Variants in PARD3B observed in about 807,000 individuals in gnomAD.
PARD3B encodes the protein partitioning defective 3 homolog B.
Under a neutral mutation model 130.2 loss-of-function variants are expected in PARD3B, and 103 were observed. The observed-to-expected ratio is 0.79, with a 90% CI of 0.67 to 0.93. The LOEUF is 0.93. Ranked by LOEUF, PARD3B falls within the 40% of genes least tolerant of loss-of-function variation. PARD3B has a pLI of 0.00. For synonymous variants in PARD3B, 583 were observed against 553.2 expected (o/e 1.05, Z -0.76); for missense variants, 1,609 against 1,499.2 (o/e 1.07, Z -1.21).
intron 20 of PARD3B, among the ~76,000 whole-genome samples, chr2:205,457,827 A>G (rs1001042392): frequency 1.3e-5 from 2 of 152,184 alleles, no homozygotes; most frequent in African/African-American, 4.8e-5. Flanking sequence ...CTGAAAATCC[A>G]TAATCCTAAA....
intron 5 of PARD3B, among the ~76,000 whole-genome samples, chr2:205,106,745 A>G (rs1443071993): frequency 6.6e-6 from 1 of 152,154 alleles, no homozygotes; most frequent in African/African-American, 2.4e-5. Context: ...AGGCTAGGAA[A>G]CTTCTCATAT....
At chr2:205,567,033 A>G (rs772106378) in intron 22 of PARD3B, among the ~76,000 whole-genome samples, 4 of 152,222 alleles carry the variant, frequency 2.6e-5, no homozygotes, top group Non-Finnish European at 5.9e-5. Context: ...GAAACGGTGG[A>G]AACTGTTTTG....
intron 18 of PARD3B, among the ~76,000 whole-genome samples, chr2:205,386,663 TTGTTG>T (rs201538674): frequency 0.12 from 4,353 of 34,896 alleles, 69 homozygotes; most frequent in South Asian, 0.19. Flanking sequence ...TTTTTTTTTT[TTGTTG>T]TTGAAGGATT....
intron 3 of PARD3B, among the ~76,000 whole-genome samples, chr2:205,023,498 G>A (rs1336465919): frequency 1.1e-5 from 1 of 88,166 alleles, no homozygotes; most frequent in Non-Finnish European, 2.3e-5. Flanking sequence ...TTTTTTAAAT[G>A]TATGTATTTA....
intron 2 of PARD3B, among the ~76,000 whole-genome samples, chr2:204,747,159 G>A (rs1397498879): frequency 6.6e-6 from 1 of 152,092 alleles, no homozygotes; most frequent in Non-Finnish European, 1.5e-5. Context: ...TTTGTATAAA[G>A]TGTAAGGAAG....
chr2:205,393,525 G>A (rs1368457880), intron 18 of PARD3B, among the ~76,000 whole-genome samples: 2 of 152,326 alleles, frequency 1.3e-5, no homozygotes, highest in East Asian at 3.9e-4. Flanking sequence ...CCTGATAGGA[G>A]AAGGAGATAT....
Position 205,128,545 on chromosome 2 carries a change from G to A in PARD3B, c.1434+2808G>A, listed in dbSNP as rs755806214. Reference sequence around the variant, plus strand: ...CTAGCTGTGTGATGTAGAGCCATTCGGAACATCACTCAGAGGCTGTTTCCT... The same window carrying A: ...CTAGCTGTGTGATGTAGAGCCATTCAGAACATCACTCAGAGGCTGTTTCCT... On this transcript the variant is annotated intron_variant, in intron 10 of 22. Coordinates refer to ENST00000406610, the MANE Select transcript of PARD3B (RefSeq NM_001302769.2). This position sits in a 1 kb window ranked among gnomAD's most constrained non-coding sequence, Gnocchi z 4.5. 2.6e-5 allele frequency among the ~76,000 whole-genome samples: 4 copies of A among 152,180 alleles called. No individual in the cohort carries two copies. Among genetic ancestry groups the A allele is most frequent in the Non-Finnish European group, 4.4e-5 (3 of 68,032 alleles).
chr2:204,777,758 C>G (rs2041682994), intron 2 of PARD3B, among the ~76,000 whole-genome samples: 1 of 152,084 alleles, frequency 6.6e-6, no homozygotes, highest in Non-Finnish European at 1.5e-5. Context: ...TCAAAGTGAG[C>G]CACTGTGATA....
intron 1 of PARD3B, among the ~76,000 whole-genome samples, chr2:204,573,661 G>C (rs185448345): frequency 6.6e-6 from 1 of 152,184 alleles, no homozygotes; most frequent in Non-Finnish European, 1.5e-5. Flanking sequence ...TCCTCGTTGT[G>C]ATTGGTATAC....
intron 4 of PARD3B, among the ~76,000 whole-genome samples, chr2:205,066,617 T>C (rs552376161): frequency 6.6e-6 from 1 of 152,274 alleles, no homozygotes; most frequent in Non-Finnish European, 1.5e-5. Context: ...AGAAAGGTGG[T>C]ATAGTTAAAA....
intron 18 of PARD3B, among the ~76,000 whole-genome samples, chr2:205,353,262 G>C (rs551245407): frequency 6.6e-6 from 1 of 152,182 alleles, no homozygotes; most frequent in African/African-American, 2.4e-5. Context: ...TATCCAGAAA[G>C]CCTTTCTTAA....
intron 2 of PARD3B, among the ~76,000 whole-genome samples, chr2:204,863,158 C>A (rs1371928670): frequency 6.6e-6 from 1 of 152,166 alleles, no homozygotes; most frequent in Non-Finnish European, 1.5e-5. Context: ...TCTATCAATA[C>A]CTCTTGCCTC....
At chr2:205,140,556 T>C (rs1419688658) in intron 10 of PARD3B, among the ~76,000 whole-genome samples, 4 of 146,340 alleles carry the variant, frequency 2.7e-5, no homozygotes, top group Non-Finnish European at 3.0e-5. Context: ...ATCATCCTAA[T>C]AGGATGTTAG....
At chr2:204,883,457 T>A (rs1203784071) in intron 2 of PARD3B, among the ~76,000 whole-genome samples, 25 of 92,276 alleles carry the variant, frequency 2.7e-4, no homozygotes, top group East Asian at 2.5e-3. Flanking sequence ...ATATATATAT[T>A]TTTTTTTTTG....
At chr2:205,385,995 G>A (rs908886795) in intron 18 of PARD3B, among the ~76,000 whole-genome samples, 2 of 152,002 alleles carry the variant, frequency 1.3e-5, no homozygotes, top group African/African-American at 4.8e-5. Flanking sequence ...ATTTTTAATA[G>A]AAATCACTGG....
intron 2 of PARD3B, among the ~76,000 whole-genome samples, chr2:204,695,356 T>C (rs1192007891): frequency 6.6e-6 from 1 of 152,024 alleles, no homozygotes; most frequent in Non-Finnish European, 1.5e-5. Context: ...CTACTTAAGC[T>C]ATAAAACATC....
At chr2:205,141,537 T>C (rs1298952118) in intron 10 of PARD3B, among the ~76,000 whole-genome samples, 1 of 152,186 alleles carries the variant, frequency 6.6e-6, no homozygotes, top group African/African-American at 2.4e-5. Context: ...CTCCACCCCA[T>C]ATCAAAACTC....
At chr2:204,803,180 A>ATATG (rs1397233399) in intron 2 of PARD3B, among the ~76,000 whole-genome samples, 2 of 147,156 alleles carry the variant, frequency 1.4e-5, no homozygotes, top group Non-Finnish European at 3.0e-5. Flanking sequence ...ATATATATAT[A>ATATG]TAATCCTAGA....
At chr2:204,998,211 C>G (rs1694407180) in intron 3 of PARD3B, among the ~76,000 whole-genome samples, 1 of 147,706 alleles carries the variant, frequency 6.8e-6, no homozygotes, top group South Asian at 2.1e-4. Flanking sequence ...GGGGAAATAC[C>G]TAATGTAGAT....
Sources: allele counts gnomAD v4.1 joint callset (sites outside exome capture counted in the v4.1 genomes callset), GRCh38; gene constraint gnomAD v4.1.1; non-coding constraint Gnocchi (gnomAD v3.1); transcripts MANE v1.5; gene names NCBI Gene and HGNC (gene_info 2026-07-23, HGNC 2026-07-21).